The following NUP155 variants were observed in gnomAD, a reference collection of about 807,000 sequenced individuals.
NUP155 encodes the protein nucleoporin 155, also known as nuclear pore complex protein Nup155.
In NUP155, 71 loss-of-function variants were observed where a neutral mutation model predicts 180.4. The ratio of observed to expected loss-of-function variants is 0.39; its 90% CI spans 0.33 to 0.48. The LOEUF (loss-of-function observed/expected upper bound fraction) is 0.48. Ranked by LOEUF, NUP155 falls within the 20% of genes least tolerant of loss-of-function variation. The pLI, the probability that NUP155 is intolerant of heterozygous loss-of-function variation, is 0.91. For missense variants in NUP155, 1,553 were observed against 1,648.9 expected (o/e 0.94, Z 1.01); for synonymous variants, 582 against 559.5 (o/e 1.04, Z -0.57).
chr5:37,337,048 G>A (rs542264030), intron 12 of NUP155, among the ~76,000 whole-genome samples: 2 of 152,240 alleles, frequency 1.3e-5, no homozygotes, highest in African/African-American at 2.4e-5. Flanking sequence ...GACTATTCAG[G>A]AGGACAGGCA....
At chr5:37,316,228 A>G (rs1228764652) in intron 21 of NUP155, among the ~76,000 whole-genome samples, 3 of 152,248 alleles carry the variant, frequency 2.0e-5, no homozygotes, top group African/African-American at 7.2e-5. Flanking sequence ...TATACACAAT[A>G]GAAATTACTC....
chr5:37,371,064 C>T lies in NUP155; in HGVS notation c.-87G>A. Reference sequence around the variant, plus strand: ...ATCCAAGAAGTTAGCTTAGATCCGCCGCCTAGGGCGCGCGCGCCAAACGAG... The same window carrying T: ...ATCCAAGAAGTTAGCTTAGATCCGCTGCCTAGGGCGCGCGCGCCAAACGAG... On this transcript the variant is annotated 5_prime_UTR_variant, in exon 1 of 35. Coordinates refer to ENST00000231498, the MANE Select transcript of NUP155 (RefSeq NM_153485.3). 7.0e-7 allele frequency: 1 copy of T among 1,424,660 alleles called. No individual in the cohort carries two copies. Among genetic ancestry groups the T allele is most frequent in the East Asian group, 2.3e-5 (1 of 43,340 alleles). 88.3% of individuals were successfully genotyped at this position (1,424,660 alleles called of 1,614,324 possible).
In NUP155 at chr5:37,291,693, GT is replaced by G. The variant is rs1319892486; in HGVS notation, c.*206del. The G allele has an allele frequency of 2.2e-6, 1 of 456,094 alleles. No individual in the cohort carries two copies. Among genetic ancestry groups the G allele is most frequent in the African/African-American group, 2.0e-5 (1 of 50,184 alleles). The allele number at this position is 456,094 out of a possible 1,614,324, so 28.3% of individuals were successfully genotyped here. A position where few individuals can be genotyped will look rare whatever the true frequency, so the allele number is the denominator to read the frequency against. ...AATAATAAATAATCTCATTTCAGTT[GT>G]TTTTTCACCCAATTACTAAAAAACA... is the stretch of plus-strand genomic sequence containing the variant. On this transcript the variant is annotated 3_prime_UTR_variant, in exon 35 of 35. Transcript: ENST00000231498.
At chr5:37,369,081 G>A (rs572194046) in intron 1 of NUP155, among the ~76,000 whole-genome samples, 8 of 152,098 alleles carry the variant, frequency 5.3e-5, no homozygotes, top group Admixed American at 3.9e-4. Context: ...GTGAGACTAC[G>A]TCTCTACATA....
At chr5:37,336,162 T>C (rs925429091) in intron 12 of NUP155, among the ~76,000 whole-genome samples, 21 of 152,050 alleles carry the variant, frequency 1.4e-4, no homozygotes, top group African/African-American at 4.6e-4. Flanking sequence ...TAAATCAAAT[T>C]ATATGACATG....
chr5:37,330,444 C>A (rs1326193956), intron 14 of NUP155, among the ~76,000 whole-genome samples: 2 of 152,162 alleles, frequency 1.3e-5, no homozygotes, highest in Non-Finnish European at 2.9e-5. Context: ...TAAGTGGTAA[C>A]ACTGAATACC....
intron 3 of NUP155, among the ~76,000 whole-genome samples, chr5:37,362,806 C>A (rs1237501292): frequency 6.6e-6 from 1 of 152,128 alleles, no homozygotes; most frequent in Non-Finnish European, 1.5e-5. Context: ...TATTACATTT[C>A]AACATGAAAA....
chr5:37,369,299 T>C (rs1287815378), intron 1 of NUP155, among the ~76,000 whole-genome samples: 1 of 152,042 alleles, frequency 6.6e-6, no homozygotes, highest in East Asian at 1.9e-4. Context: ...AACTAAGGAC[T>C]TTCACAGGGA....
chr5:37,370,794 T>C (rs775815731), intron 1 of NUP155, 27 bp downstream of exon 1: 3 of 1,614,060 alleles, frequency 1.9e-6, no homozygotes, highest in Non-Finnish European at 8.5e-7. Context: ...TCCTTTAGGT[T>C]GAGAAAGCAG....
At chr5:37,347,790 C>G (rs889361887) in intron 9 of NUP155, among the ~76,000 whole-genome samples, 3 of 151,710 alleles carry the variant, frequency 2.0e-5, no homozygotes, top group African/African-American at 7.3e-5. Context: ...TACCTGAGGT[C>G]AGGAGTTAGA....
intron 1 of NUP155, 79 bp from the exon 2 acceptor site, chr5:37,364,463 A>C (rs1166965530): frequency 1.8e-5 from 23 of 1,312,686 alleles, no homozygotes; most frequent in Non-Finnish European, 2.2e-5. Flanking sequence ...TGCCACAAAA[A>C]AATTGTTGTG....
Position 37,303,313 on chromosome 5 carries a change from G to A in NUP155, c.3264C>T (p.Asn1088=). The A allele has an allele frequency of 6.2e-7, 1 of 1,614,080 alleles. No homozygotes were observed. Among genetic ancestry groups the A allele is most frequent in the Non-Finnish European group, 8.5e-7 (1 of 1,179,982 alleles). ...MDLLWRYYEK[N]RSFSNAARVL... is the part of the protein sequence containing the mutation. ...CACGAGCAGCATTACTGAAACTTCT[G>A]TTCTTCTCGTAATACCGCCAGAGTA... The change falls in exon 28 of 35, where the codon AAC becomes AAT. Residue 1088 remains asparagine (N), a synonymous_variant. Coordinates refer to ENST00000231498, the MANE Select transcript of NUP155 (RefSeq NM_153485.3).
Position 37,301,441 on chromosome 5 carries a change from G to A in NUP155, c.3557C>T (p.Thr1186Ile). The A allele has an allele frequency of 1.3e-6, 2 of 1,599,304 alleles. No individual in the cohort carries two copies. The highest frequency in any genetic ancestry group is 1.7e-6 in the Non-Finnish European group (2 of 1,166,578). ...TTTCACTTGCTTTTTTATTACCTTA[G>A]TTATGTCCATCAGCTCAGAATCCAG... ...SQLDSELMDITKLYGEFADPF... is the reference protein window; with the variant it reads ...SQLDSELMDIIKLYGEFADPF... The change falls in exon 30 of 35, where the codon ACT (threonine) becomes ATT (isoleucine). Residue 1186 changes from threonine (T) to isoleucine (I), a missense_variant. Thr to Ile is a moderately conservative substitution (Grantham distance 89). Transcript: ENST00000231498.
chr5:37,300,495 A>G (rs892663625), intron 30 of NUP155, among the ~76,000 whole-genome samples: 4 of 87,098 alleles, frequency 4.6e-5, no homozygotes, highest in African/African-American at 1.3e-4. Flanking sequence ...GACAAATCTC[A>G]AAGTGTTTCA....
chr5:37,358,744 C>T (rs570289348), intron 3 of NUP155, among the ~76,000 whole-genome samples: 2 of 152,262 alleles, frequency 1.3e-5, no homozygotes, highest in South Asian at 4.1e-4. Context: ...ACTGGGTGGG[C>T]ACAGTGGCTC....
chr5:37,344,960 G>A (rs1487283377), intron 9 of NUP155, among the ~76,000 whole-genome samples: 1 of 151,436 alleles, frequency 6.6e-6, no homozygotes, highest in Non-Finnish European at 1.5e-5. Context: ...AGGCAGACAC[G>A]TCATTTGAGC....
intron 19 of NUP155, among the ~76,000 whole-genome samples, chr5:37,324,648 A>C (rs757086546): frequency 6.6e-6 from 1 of 152,020 alleles, no homozygotes; most frequent in Non-Finnish European, 1.5e-5. Context: ...TGACTTCCTA[A>C]GTTCAAGTGA....
intron 27 of NUP155, among the ~76,000 whole-genome samples, chr5:37,303,756 G>A (rs1172366249): frequency 6.6e-6 from 1 of 151,956 alleles, no homozygotes; most frequent in Non-Finnish European, 1.5e-5. Context: ...GACCAGCCTG[G>A]GCAATATATG....
chr5:37,363,825 A>T (rs1445200822), intron 3 of NUP155, 63 bp downstream of exon 3: 2 of 1,058,640 alleles, frequency 1.9e-6, no homozygotes, highest in Admixed American at 3.4e-5. Context: ...TGAGAACACT[A>T]GCTACAGTAA....
Sources: allele counts gnomAD v4.1 joint callset (sites outside exome capture counted in the v4.1 genomes callset), GRCh38; gene constraint gnomAD v4.1.1; transcripts MANE v1.5; gene names NCBI Gene and HGNC (gene_info 2026-07-23, HGNC 2026-07-21).